Variants in EPHA5 observed in about 807,000 individuals in gnomAD.
The protein encoded by EPHA5 is ephrin type-A receptor 5.
EPHA5 carries 60 observed loss-of-function variants against 105.0 expected under a neutral mutation model. The ratio of observed to expected loss-of-function variants is 0.57; its 90% CI spans 0.46 to 0.71. The LOEUF (loss-of-function observed/expected upper bound fraction) is 0.71. Ranked by LOEUF, EPHA5 falls within the 30% of genes least tolerant of loss-of-function variation. EPHA5 has a pLI of 0.00. For synonymous variants in EPHA5, 513 were observed against 449.1 expected, an observed-to-expected ratio of 1.14 and a Z score of -1.80; for missense variants, 1,218 against 1,274.7, an observed-to-expected ratio of 0.96 and a Z score of 0.68.
intron 8 of EPHA5, among the ~76,000 whole-genome samples, chr4:65,390,833 GA>G (rs532467774): frequency 1.3e-5 from 2 of 151,884 alleles, no homozygotes; most frequent in African/African-American, 2.4e-5. Context: ...CATTAGAGGA[GA>G]AAAAAAGTAA....
intron 14 of EPHA5, among the ~76,000 whole-genome samples, chr4:65,340,089 C>T (rs1721566992): frequency 6.6e-6 from 1 of 152,068 alleles, no homozygotes. Context: ...GGTATAAATA[C>T]TCTCTCTATG....
chr4:65,356,244 C>A (rs2148867926), intron 11 of EPHA5, among the ~76,000 whole-genome samples: 1 of 151,400 alleles, frequency 6.6e-6, no homozygotes, highest in East Asian at 1.9e-4. Context: ...TTCTTTCTGC[C>A]TATCTTTTTA....
intron 3 of EPHA5, among the ~76,000 whole-genome samples, chr4:65,527,631 A>G (rs1735363916): frequency 6.6e-6 from 1 of 152,138 alleles, no homozygotes; most frequent in South Asian, 2.1e-4. Context: ...TGAGCATAAT[A>G]ACTGCCGGCT....
At chr4:65,508,239 C>T (rs1349706783) in intron 3 of EPHA5, among the ~76,000 whole-genome samples, 1 of 152,040 alleles carries the variant, frequency 6.6e-6, no homozygotes, top group Non-Finnish European at 1.5e-5. Flanking sequence ...TTGAAGTATA[C>T]ATTATTTTAG....
At chr4:65,597,857 A>T (rs1743336862) in intron 3 of EPHA5, among the ~76,000 whole-genome samples, 1 of 152,122 alleles carries the variant, frequency 6.6e-6, no homozygotes, top group Admixed American at 6.6e-5. Flanking sequence ...CTGCTTGGTC[A>T]CCTGGATTGA....
At chr4:65,350,718 C>A (rs995187093) in intron 13 of EPHA5, among the ~76,000 whole-genome samples, 1 of 151,998 alleles carries the variant, frequency 6.6e-6, no homozygotes, top group African/African-American at 2.4e-5. Context: ...CATATCAATA[C>A]AGCAAGCAAT....
At chr4:65,381,693 G>A (rs1719579759) in intron 8 of EPHA5, among the ~76,000 whole-genome samples, 1 of 151,744 alleles carries the variant, frequency 6.6e-6, no homozygotes, top group Non-Finnish European at 1.5e-5. Flanking sequence ...CGCCAAATTT[G>A]TATGTTGAAG....
intron 5 of EPHA5, among the ~76,000 whole-genome samples, chr4:65,461,535 AGTATTTATTT>A (rs942742373): frequency 2.3e-4 from 35 of 152,096 alleles, no homozygotes; most frequent in African/African-American, 8.4e-4. Flanking sequence ...TATTTTAGAA[AGTATTTATTT>A]TACTATATTC....
rs1430368288 is a variant in EPHA5 at position 65,404,409 on chromosome 4, C to T, written c.1758G>A (p.Leu586=). Residue 586 remains leucine (L), a synonymous_variant, in exon 8 of 17, where the codon TTG becomes TTA. Coordinates refer to ENST00000613740, the MANE Select transcript of EPHA5 (RefSeq NM_001281766.3). The part of the protein sequence containing the change: ...IAVSVTVGVI[L]LAVVIGVLLS... ...GGAGGACGCCGATAACCACTGCCAA[C>T]AAAATGACTCCCACTGTCACAGACA... is the stretch of plus-strand genomic sequence containing the variant. 6.2e-7 allele frequency: 1 copy of T among 1,613,656 alleles called. No homozygotes were observed. Among genetic ancestry groups the T allele is most frequent in the African/African-American group, 1.3e-5 (1 of 74,908 alleles).
chr4:65,590,481 G>A (rs1047198828), intron 3 of EPHA5, among the ~76,000 whole-genome samples: 3 of 152,064 alleles, frequency 2.0e-5, no homozygotes, highest in Admixed American at 6.6e-5. Context: ...TTGTTATTGC[G>A]AATTATACAC....
chr4:65,349,127 A>T (rs1330604696), intron 13 of EPHA5, among the ~76,000 whole-genome samples: 1 of 151,820 alleles, frequency 6.6e-6, no homozygotes, highest in Non-Finnish European at 1.5e-5. Context: ...AATATTGGAT[A>T]TATTAAAACA....
At chr4:65,362,976 C>T (rs980756384) in intron 11 of EPHA5, among the ~76,000 whole-genome samples, 10 of 151,450 alleles carry the variant, frequency 6.6e-5, no homozygotes, top group African/African-American at 2.2e-4. Flanking sequence ...TTGTCATGTA[C>T]GCATAGTGTT....
intron 5 of EPHA5, among the ~76,000 whole-genome samples, chr4:65,434,415 A>G (rs1725283520): frequency 6.6e-6 from 1 of 152,116 alleles, no homozygotes; most frequent in African/African-American, 2.4e-5. Context: ...TCATGTTCAC[A>G]TTCTAGGCCA....
intron 2 of EPHA5, among the ~76,000 whole-genome samples, chr4:65,632,231 G>A (rs1746705678): frequency 6.6e-6 from 1 of 152,100 alleles, no homozygotes; most frequent in Non-Finnish European, 1.5e-5. Context: ...CATTAAGGAT[G>A]CAAATATTTA....
intron 3 of EPHA5, among the ~76,000 whole-genome samples, chr4:65,551,078 G>A (rs552484138): frequency 5.3e-5 from 8 of 150,872 alleles, no homozygotes; most frequent in African/African-American, 1.2e-4. Flanking sequence ...ATATACACAC[G>A]TATGTATATT....
rs1409437377 is a variant in EPHA5, at chr4:65,601,833, A to C, written c.718T>G (p.Leu240Val). The change falls in exon 3 of 17, where the codon TTG becomes GTG. Residue 240 changes from leucine to valine, a missense_variant. By Grantham distance (32) the Leu-to-Val change is conservative. Coordinates refer to ENST00000613740, the MANE Select transcript of EPHA5 (RefSeq NM_001281766.3). ...GTGATGGTGTCAGGGAAGACAGCCA[A>C]GTGTCGTACCACAGAAGGGCATTTT... Reference protein sequence around the residue: ...YKKCPSVVRHLAVFPDTITGA... With the variant: ...YKKCPSVVRHVAVFPDTITGA... 2 of 1,614,042 alleles carry C rather than the reference A, an allele frequency of 1.2e-6. No homozygotes were observed. The highest frequency in any genetic ancestry group is 1.7e-6 in the Non-Finnish European group (2 of 1,180,024).
intron 3 of EPHA5, among the ~76,000 whole-genome samples, chr4:65,517,130 T>C (rs149728084): frequency 3.9e-5 from 6 of 152,060 alleles, no homozygotes; most frequent in African/African-American, 1.2e-4. Context: ...TTTTACTTCA[T>C]GTATTTAGGG....
chr4:65,325,838 A>T (rs967634936), intron 16 of EPHA5, among the ~76,000 whole-genome samples: 1 of 151,036 alleles, frequency 6.6e-6, no homozygotes, highest in Non-Finnish European at 1.5e-5. Flanking sequence ...TTTGTTGTAG[A>T]GGTGCTGTCT....
intron 2 of EPHA5, among the ~76,000 whole-genome samples, chr4:65,609,447 T>C (rs1312668898): frequency 2.6e-5 from 4 of 152,128 alleles, no homozygotes; most frequent in Non-Finnish European, 5.9e-5. Context: ...GCCTGTGGAA[T>C]AGTACAAATA....
Sources: gnomAD v4.1 joint callset for allele counts (sites outside exome capture counted in the v4.1 genomes callset) on GRCh38, gnomAD v4.1.1 for gene constraint, MANE v1.5 for transcripts, NCBI Gene and HGNC (gene_info 2026-07-23, HGNC 2026-07-21) for gene names.